The following UNC79 variants were observed in gnomAD, a reference collection of about 807,000 sequenced individuals.
UNC79 encodes unc-79 subunit of NALCN channel complex.
UNC79 carries 37 observed loss-of-function variants against 283.1 expected under a neutral mutation model. The ratio of observed to expected loss-of-function variants is 0.13; its 90% CI spans 0.10 to 0.17. UNC79 has a LOEUF of 0.17. Among genes scored for constraint, UNC79 ranks in the 10% least tolerant of loss-of-function variants. UNC79 has a pLI of 1.00. For synonymous variants in UNC79, 1,107 were observed against 1,200.2 expected (o/e 0.92, Z 1.61); for missense variants, 2,272 against 3,211.1 (o/e 0.71, Z 7.07).
intron 1 of UNC79, among the ~76,000 whole-genome samples, chr14:93,364,782 T>C (rs1440560841): frequency 6.6e-6 from 1 of 151,812 alleles, no homozygotes; most frequent in Non-Finnish European, 1.5e-5. Flanking sequence ...GGCCTAAAGG[T>C]CCTGGGATTT....
At chr14:93,388,114 T>C (rs117472638) in intron 1 of UNC79, among the ~76,000 whole-genome samples, 2,121 of 152,132 alleles carry the variant, frequency 0.014, 23 homozygotes, top group Middle Eastern at 0.034. Flanking sequence ...AAAGTTAATA[T>C]TCTTTTTTTT....
chr14:93,535,435 C>T (rs1027962494), intron 11 of UNC79, among the ~76,000 whole-genome samples: 3 of 152,130 alleles, frequency 2.0e-5, no homozygotes, highest in Non-Finnish European at 4.4e-5. Flanking sequence ...TGCAGTGTAT[C>T]CAGATACTCC....
intron 47 of UNC79, among the ~76,000 whole-genome samples, chr14:93,695,897 A>C (rs1407436947): frequency 6.8e-6 from 1 of 147,308 alleles, no homozygotes. Context: ...TCTCAAAAAA[A>C]AAAAAAAAAA....
At chr14:93,502,470 A>G (rs1339474673) in intron 7 of UNC79, among the ~76,000 whole-genome samples, 1 of 152,186 alleles carries the variant, frequency 6.6e-6, no homozygotes, top group Non-Finnish European at 1.5e-5. Context: ...ATGTGTATGT[A>G]TATAATTAAA....
intron 1 of UNC79, among the ~76,000 whole-genome samples, chr14:93,373,823 A>G (rs190365750): frequency 1.3e-5 from 2 of 152,350 alleles, no homozygotes; most frequent in African/African-American, 4.8e-5. Context: ...ACAACCCAGT[A>G]TCTCTCATCA....
chr14:93,622,517 G>C, exon 30 of UNC79: 1 of 1,614,082 alleles, frequency 6.2e-7, no homozygotes, highest in Non-Finnish European at 8.5e-7. Flanking sequence ...GATGTCGCTG[G>C]ATGATCACCC....
intron 1 of UNC79, chr14:93,347,077 T>C (rs1337767662): frequency 2.0e-6 from 1 of 493,876 alleles, no homozygotes; most frequent in Non-Finnish European, 3.4e-6. Context: ...GAGAAAGGAG[T>C]GGTGAGCGGA....
rs950114463 is a variant in UNC79, at chr14:93,399,580, A to G, written c.-351+66057A>G. On this transcript the variant is annotated intron_variant, in intron 1 of 49. Coordinates refer to the UNC79 transcript ENST00000256339. ...GGCTTAATTTTATTAGATCCTTAAT[A>G]TGTGCCAGGCACTGTGCCAAGCACT... is the stretch of plus-strand genomic sequence containing the variant. 7.9e-5 allele frequency among the ~76,000 whole-genome samples: 12 copies of G among 152,192 alleles called. 1 individual carries two copies. Among genetic ancestry groups the G allele is most frequent in the Admixed American group, 7.2e-4 (11 of 15,282 alleles).
chr14:93,475,733 GT>G (rs1031862505), intron 3 of UNC79, among the ~76,000 whole-genome samples: 3 of 152,184 alleles, frequency 2.0e-5, no homozygotes, highest in Non-Finnish European at 4.4e-5. Context: ...GGTCCACTGT[GT>G]TAGGGGAGCT....
chr14:93,507,689 A>G lies in UNC79; in HGVS notation c.898+10403A>G, dbSNP rs142248078. 4.9e-3 allele frequency among the ~76,000 whole-genome samples: 749 copies of G among 152,224 alleles called. 2 individuals carry two copies. Among genetic ancestry groups the G allele is most frequent in the Middle Eastern group, 0.017 (5 of 294 alleles). On this transcript the variant is annotated intron_variant, in intron 7 of 48. Transcript: ENST00000555664. ...CTCTTTTATTTTCTTAACAGTGTCTATTTTGATGAGCATGAGTTTTTAATC... is the reference window on the plus strand; with the variant it reads ...CTCTTTTATTTTCTTAACAGTGTCTGTTTTGATGAGCATGAGTTTTTAATC...
intron 1 of UNC79, among the ~76,000 whole-genome samples, chr14:93,411,514 C>T (rs2055335831): frequency 6.6e-6 from 1 of 152,238 alleles, no homozygotes; most frequent in Non-Finnish European, 1.5e-5. Context: ...TGTGCTGACC[C>T]AGTGCAGTCC....
At position 93,431,000 on chromosome 14, in the gene UNC79, G is replaced by C. The variant is rs775204197; in HGVS notation, c.-30G>C. On this transcript the variant is annotated 5_prime_UTR_variant, in exon 1 of 49. Transcript: ENST00000555664. The surrounding 1 kb of genome is among the most constrained non-coding windows in gnomAD (Gnocchi z 4.6). ...AGGGAGCTCACACGACACAGATTTT[G>C]GGGCAAAGCCTTTCCAACTGGACAG... 2.4e-5 allele frequency: 17 copies of C among 701,346 alleles called. No individual in the cohort carries two copies. Among genetic ancestry groups the C allele is most frequent in the South Asian group, 7.4e-5 (5 of 67,530 alleles). The allele number at this position is 701,346 out of a possible 1,614,324, so 43.4% of individuals were successfully genotyped here.
chr14:93,548,649 TTCTC>T (rs903890663), intron 14 of UNC79, among the ~76,000 whole-genome samples: 1 of 152,190 alleles, frequency 6.6e-6, no homozygotes, highest in African/African-American at 2.4e-5. Flanking sequence ...AAAATTCTCT[TTCTC>T]TGTCTTCCCC....
intron 47 of UNC79, among the ~76,000 whole-genome samples, chr14:93,703,283 A>G (rs2075661049): frequency 6.6e-6 from 1 of 152,194 alleles, no homozygotes; most frequent in African/African-American, 2.4e-5. Flanking sequence ...ACAGAAATGT[A>G]TTCCCTGGAA....
rs148823709 is a variant in UNC79 at position 93,632,483 on chromosome 14, G to A, written c.5716+1575G>A. On this transcript the variant is annotated intron_variant, in intron 31 of 48. Coordinates refer to ENST00000555664, the Ensembl canonical transcript of UNC79. ...GGAAGCTGAGGCAGGAGGATCACTT[G>A]AGCCCAGGAATTCGAGACCAGCCTG... Among the ~76,000 whole-genome samples, 2,226 of 152,278 alleles carry A rather than the reference G, an allele frequency of 0.015. 215 individuals carry two copies. The East Asian group carries it at 0.28, about 19-fold the overall frequency.
chr14:93,591,394 C>G lies in UNC79; in HGVS notation c.3033-2286C>G, dbSNP rs573828502. On this transcript the variant is annotated intron_variant, in intron 22 of 48. Coordinates refer to ENST00000555664, the Ensembl canonical transcript of UNC79. ...TTTTCTCTTCCCCAAAACTTAACCTCTAATAGCTTACTGTTGACCAGAAGC... is the reference window on the plus strand; with the variant it reads ...TTTTCTCTTCCCCAAAACTTAACCTGTAATAGCTTACTGTTGACCAGAAGC... Among the ~76,000 whole-genome samples the G allele has an allele frequency of 5.9e-5, 9 of 152,318 alleles. No homozygotes were observed. The South Asian group carries it at 1.9e-3, about 32-fold the overall frequency.
intron 1 of UNC79, among the ~76,000 whole-genome samples, chr14:93,335,583 A>G (rs1317228454): frequency 6.6e-6 from 1 of 152,258 alleles, no homozygotes; most frequent in Non-Finnish European, 1.5e-5. Flanking sequence ...TAGGTCAACC[A>G]GAACCTTTTC....
chr14:93,381,846 A>G (rs1212975546), intron 1 of UNC79, among the ~76,000 whole-genome samples: 2 of 152,192 alleles, frequency 1.3e-5, no homozygotes, highest in Non-Finnish European at 2.9e-5. Flanking sequence ...TAGATTTACA[A>G]AAGAGTATGA....
At chr14:93,642,043 A>AAATGT (rs1555387570) in intron 33 of UNC79, among the ~76,000 whole-genome samples, 3 of 151,384 alleles carry the variant, frequency 2.0e-5, no homozygotes, top group Non-Finnish European at 4.4e-5. Context: ...AGAGTCAATT[A>AAATGT]AACGTCTTTC....
Sources: allele counts gnomAD v4.1 joint callset (sites outside exome capture counted in the v4.1 genomes callset), GRCh38; gene constraint gnomAD v4.1.1; non-coding constraint Gnocchi (gnomAD v3.1); transcripts MANE v1.5; gene names NCBI Gene and HGNC (gene_info 2026-07-23, HGNC 2026-07-21).